PKIB: variants seen among roughly 807,000 people sequenced by gnomAD.
PKIB encodes the protein cAMP-dependent protein kinase inhibitor beta, also known as PKI-beta.
In PKIB, 2 loss-of-function variants were observed where a neutral mutation model predicts 4.5. The observed-to-expected ratio is 0.44, with a 90% CI of 0.18 to 1.39. The LOEUF is 1.39. PKIB is among the 40% of genes most tolerant of loss of function. The pLI is 0.27. For synonymous variants in PKIB, 38 were observed against 36.0 expected (o/e 1.06, Z -0.20); for missense variants, 94 against 92.6 (o/e 1.02, Z -0.06).
At chr6:122,571,456 T>C (rs1773365273) in intron 2 of PKIB, among the ~76,000 whole-genome samples, 19 of 152,194 alleles carry the variant, frequency 1.2e-4, no homozygotes. Flanking sequence ...CATTAAGCTA[T>C]CTAAAGCCAA....
At chr6:122,479,923 G>A (rs1224451616) in intron 2 of PKIB, 1 of 151,966 alleles carries the variant, frequency 6.6e-6, no homozygotes, top group Admixed American at 6.5e-5. Flanking sequence ...GTCCAACAGA[G>A]CTTAAAGGTA....
intron 2 of PKIB, among the ~76,000 whole-genome samples, chr6:122,546,906 A>G (rs957304711): frequency 3.3e-5 from 5 of 152,146 alleles, no homozygotes; most frequent in African/African-American, 7.2e-5. Context: ...ACTTTCACAC[A>G]TAACGTAATA....
At chr6:122,528,946 C>T (rs1178234024) in intron 2 of PKIB, among the ~76,000 whole-genome samples, 1 of 152,058 alleles carries the variant, frequency 6.6e-6, no homozygotes, top group Admixed American at 6.6e-5. Context: ...ACCTAATTAC[C>T]TCAAATGATC....
chr6:122,642,026 A>G (rs932045348), intron 2 of PKIB, among the ~76,000 whole-genome samples: 17 of 152,188 alleles, frequency 1.1e-4, no homozygotes, highest in Admixed American at 4.6e-4. Flanking sequence ...GCTTCAGCCA[A>G]TCACAGACAC....
chr6:122,565,973 A>G (rs1274384635), intron 2 of PKIB, among the ~76,000 whole-genome samples: 1 of 151,988 alleles, frequency 6.6e-6, no homozygotes, highest in Non-Finnish European at 1.5e-5. Context: ...AACATCTTTT[A>G]TGAGCTGACA....
chr6:122,571,432 C>A (rs544489372), intron 2 of PKIB, among the ~76,000 whole-genome samples: 1 of 152,216 alleles, frequency 6.6e-6, no homozygotes, highest in African/African-American at 2.4e-5. Context: ...AAGATTATCA[C>A]CAAAGCACGT....
chr6:122,564,688 A>G (rs1340948064), intron 2 of PKIB, among the ~76,000 whole-genome samples: 1 of 152,194 alleles, frequency 6.6e-6, no homozygotes, highest in East Asian at 1.9e-4. Flanking sequence ...GCCAATCTGC[A>G]TCATGGAGGA....
intron 3 of PKIB, among the ~76,000 whole-genome samples, chr6:122,706,162 T>G (rs1779047615): frequency 6.6e-6 from 1 of 152,166 alleles, no homozygotes; most frequent in Non-Finnish European, 1.5e-5. Flanking sequence ...CCTCCCAAAT[T>G]TTGAGGCTCT....
intron 2 of PKIB, among the ~76,000 whole-genome samples, chr6:122,646,964 C>T (rs535917992): frequency 6.6e-6 from 1 of 152,078 alleles, no homozygotes; most frequent in South Asian, 2.1e-4. Context: ...AATCTATATG[C>T]AATTTTATTT....
At chr6:122,715,084 CAA>C (rs879822529) in intron 3 of PKIB, among the ~76,000 whole-genome samples, 3 of 140,028 alleles carry the variant, frequency 2.1e-5, no homozygotes, top group Non-Finnish European at 3.1e-5. Flanking sequence ...CACGCTGAGC[CAA>C]AAAAAAAAAT....
At chr6:122,567,871 A>G (rs1386538791) in intron 2 of PKIB, among the ~76,000 whole-genome samples, 1 of 152,152 alleles carries the variant, frequency 6.6e-6, no homozygotes, top group Non-Finnish European at 1.5e-5. Context: ...GTAGTTAGGA[A>G]TGTCATTGGG....
intron 3 of PKIB, among the ~76,000 whole-genome samples, chr6:122,690,541 CTATACTT>C (rs2114998101): frequency 6.6e-6 from 1 of 152,170 alleles, no homozygotes; most frequent in African/African-American, 2.4e-5. Flanking sequence ...AATAAAAACT[CTATACTT>C]TAACTTCCTC....
chr6:122,489,186 G>A (rs557195256), intron 2 of PKIB, among the ~76,000 whole-genome samples: 10 of 151,278 alleles, frequency 6.6e-5, no homozygotes, highest in African/African-American at 2.2e-4. Context: ...TTTAAAGAAG[G>A]GGGAAAAATA....
intron 2 of PKIB, among the ~76,000 whole-genome samples, chr6:122,564,635 T>C (rs757712590): frequency 6.6e-6 from 1 of 152,240 alleles, no homozygotes; most frequent in South Asian, 2.1e-4. Context: ...CATCAGAGTT[T>C]GCAAATTCTT....
rs181052296 is a variant in PKIB at position 122,555,883 on chromosome 6, A to G, written c.-247-30038A>G. On this transcript the variant is annotated intron_variant, in intron 2 of 6. Transcript: ENST00000392491. ...CCAACTTGGAATTGAAAAGATGTGT[A>G]TAATACAGAAATATCACACAAAAGT... Among the ~76,000 whole-genome samples, 174 of 152,358 alleles carry G rather than the reference A, an allele frequency of 1.1e-3. 1 individual carries two copies. The highest frequency in any genetic ancestry group is 4.0e-3 in the African/African-American group (166 of 41,584).
intron 2 of PKIB, among the ~76,000 whole-genome samples, chr6:122,636,217 T>G (rs376879982): frequency 1.4e-4 from 22 of 152,200 alleles, no homozygotes; most frequent in African/African-American, 5.3e-4. Flanking sequence ...TATGAGTCTT[T>G]AATCATAAAT....
chr6:122,690,087 T>G (rs1180593847), intron 3 of PKIB, among the ~76,000 whole-genome samples: 1 of 152,140 alleles, frequency 6.6e-6, no homozygotes, highest in Admixed American at 6.5e-5. Flanking sequence ...TTTTTTGACT[T>G]CCATTAGCAT....
intron 2 of PKIB, among the ~76,000 whole-genome samples, chr6:122,647,709 T>G (rs550489212): frequency 3.9e-5 from 6 of 152,208 alleles, no homozygotes; most frequent in Non-Finnish European, 1.5e-5. Context: ...AAATCTTAAA[T>G]ACATGTGCAC....
chr6:122,560,990 C>G (rs1772994730), intron 2 of PKIB, among the ~76,000 whole-genome samples: 1 of 151,756 alleles, frequency 6.6e-6, no homozygotes, highest in Non-Finnish European at 1.5e-5. Context: ...TTCAAAGAAC[C>G]AGCTTTTTGT....
Sources: allele counts gnomAD v4.1 joint callset (sites outside exome capture counted in the v4.1 genomes callset), GRCh38; gene constraint gnomAD v4.1.1; transcripts MANE v1.5; gene names NCBI Gene and HGNC (gene_info 2026-07-23, HGNC 2026-07-21).